FAM171A1: variants seen among roughly 807,000 people sequenced by gnomAD.
FAM171A1 encodes family with sequence similarity 171 member A1.
A neutral mutation model predicts 74.9 loss-of-function variants in FAM171A1; 23 were observed. The observed-to-expected ratio is 0.31, with a 90% CI of 0.22 to 0.44. The LOEUF (loss-of-function observed/expected upper bound fraction) is 0.44, where lower values mean the gene tolerates loss of function less well. Among genes scored for constraint, FAM171A1 ranks in the 20% least tolerant of loss-of-function variants. FAM171A1 has a pLI of 1.00. For missense variants in FAM171A1, 1,162 were observed against 1,159.2 expected, an observed-to-expected ratio of 1.00 and a Z score of -0.03; for synonymous variants, 527 against 505.7, an observed-to-expected ratio of 1.04 and a Z score of -0.57.
At chr10:15,266,260 C>T (rs540464709) in intron 3 of FAM171A1, among the ~76,000 whole-genome samples, 63 of 152,274 alleles carry the variant, frequency 4.1e-4, no homozygotes, top group African/African-American at 1.5e-3. Flanking sequence ...AGAAAGGGGA[C>T]GAGAGCTGCT....
At chr10:15,264,790 T>A (rs1296372098) in intron 3 of FAM171A1, among the ~76,000 whole-genome samples, 1 of 151,950 alleles carries the variant, frequency 6.6e-6, no homozygotes, top group Non-Finnish European at 1.5e-5. Flanking sequence ...TTAAAAAAAA[T>A]AAATAAACTG....
intron 1 of FAM171A1, among the ~76,000 whole-genome samples, chr10:15,333,826 C>T (rs532125243): frequency 1.9e-4 from 28 of 151,292 alleles, no homozygotes; most frequent in Non-Finnish European, 2.9e-4. Flanking sequence ...AGAGTGAGAC[C>T]GTGTCTCAAA....
chr10:15,335,142 G>A (rs1161952292), intron 1 of FAM171A1, among the ~76,000 whole-genome samples: 5 of 152,198 alleles, frequency 3.3e-5, no homozygotes, highest in Non-Finnish European at 5.9e-5. Flanking sequence ...TACTTGGGAG[G>A]CTGAGGCAGG....
In FAM171A1 at chr10:15,214,885, C is replaced by T. The variant is rs138115695; in HGVS notation, c.987-284G>A. On this transcript the variant is annotated intron_variant, in intron 7 of 7. Coordinates refer to ENST00000378116, the MANE Select transcript of FAM171A1 (RefSeq NM_001010924.2). The stretch of plus-strand genomic sequence containing the variant: ...AAGTGATCCTCCCACCTCAGCCTCC[C>T]GAGCAGCTGGCACCGCAGGCACATG... Among the ~76,000 whole-genome samples the T allele has an allele frequency of 4.1e-3, 616 of 152,064 alleles. 6 individuals are homozygous for T. The highest frequency in any genetic ancestry group is 0.014 in the African/African-American group (573 of 41,466).
At position 15,349,441 on chromosome 10, in the gene FAM171A1, A is replaced by G. The variant is rs188111265; in HGVS notation, c.97+21515T>C. ...ATCACTTAAAACAGGCTCTTCCCAC[A>G]ACACTCTGCTCCTTCCCTTTCAATT... On this transcript the variant is annotated intron_variant, in intron 1 of 7. Transcript: ENST00000378116. Among the ~76,000 whole-genome samples the G allele has an allele frequency of 2.6e-5, 4 of 152,312 alleles. No individual in the cohort carries two copies. The East Asian group carries it at 7.7e-4, about 29-fold the overall frequency.
intron 5 of FAM171A1, among the ~76,000 whole-genome samples, chr10:15,240,158 C>T (rs1032188690): frequency 1.3e-5 from 2 of 152,122 alleles, no homozygotes; most frequent in African/African-American, 2.4e-5. Flanking sequence ...GTCGGGAGTT[C>T]GAGACCAGCC....
chr10:15,271,049 A>C (rs1191947207), intron 3 of FAM171A1, among the ~76,000 whole-genome samples: 2 of 152,232 alleles, frequency 1.3e-5, no homozygotes, highest in Non-Finnish European at 2.9e-5. Context: ...GAGCTGACAG[A>C]AGAATGCTTC....
At chr10:15,357,152 G>A (rs12765256) in intron 1 of FAM171A1, among the ~76,000 whole-genome samples, 10,919 of 151,844 alleles carry the variant, frequency 0.072, 501 homozygotes, top group Middle Eastern at 0.11. Context: ...GCATGGTGGC[G>A]GGCGCCTGTA....
intron 1 of FAM171A1, among the ~76,000 whole-genome samples, chr10:15,358,794 T>C (rs1835961223): frequency 6.6e-6 from 1 of 152,150 alleles, no homozygotes; most frequent in African/African-American, 2.4e-5. Flanking sequence ...TTCATGAAAA[T>C]TACCAGGCCC....
At chr10:15,281,275 T>C (rs976746511) in intron 2 of FAM171A1, among the ~76,000 whole-genome samples, 5 of 152,250 alleles carry the variant, frequency 3.3e-5, no homozygotes, top group African/African-American at 1.2e-4. Flanking sequence ...ACACTTCTTT[T>C]CTTTATAAAT....
chr10:15,374,355 C>G (rs935566959), upstream of FAM171A1, among the ~76,000 whole-genome samples: 1 of 152,206 alleles, frequency 6.6e-6, no homozygotes, highest in Non-Finnish European at 1.5e-5. Context: ...TCTCATCACC[C>G]GGGTATTTTC....
intron 1 of FAM171A1, among the ~76,000 whole-genome samples, chr10:15,285,574 T>C (rs12262545): frequency 0.27 from 41,170 of 152,088 alleles, 5,744 homozygotes; most frequent in Middle Eastern, 0.32. Context: ...TCCAGAACTA[T>C]GTGGGGGAGC....
At chr10:15,272,740 A>C (rs1454046125) in intron 3 of FAM171A1, among the ~76,000 whole-genome samples, 1 of 152,188 alleles carries the variant, frequency 6.6e-6, no homozygotes, top group Non-Finnish European at 1.5e-5. Flanking sequence ...TAAGAAACTC[A>C]CTCAAAACTG....
chr10:15,211,760 T>C lies in FAM171A1; in HGVS notation c.*1155A>G, dbSNP rs1215893778. ...TTTTGGATAGTACATAAGATTTTCT[T>C]TTTTTTTTTTAAATTTTTTTTAATA... On this transcript the variant is annotated 3_prime_UTR_variant, in exon 8 of 8. Transcript: ENST00000378116. The C allele has an allele frequency of 1.5e-5, 2 of 135,392 alleles. No homozygotes were observed. Among genetic ancestry groups the C allele is most frequent in the African/African-American group, 6.6e-5 (2 of 30,258 alleles). 8.4% of individuals were successfully genotyped at this position (135,392 alleles called of 1,614,324 possible).
chr10:15,322,707 G>A (rs1403529944), intron 1 of FAM171A1, among the ~76,000 whole-genome samples: 1 of 152,228 alleles, frequency 6.6e-6, no homozygotes, highest in Admixed American at 6.5e-5. Context: ...GGTCATTTTG[G>A]TAAATTCACC....
chr10:15,363,624 A>T (rs1336402644), intron 1 of FAM171A1, among the ~76,000 whole-genome samples: 1 of 152,154 alleles, frequency 6.6e-6, no homozygotes, highest in Non-Finnish European at 1.5e-5. Flanking sequence ...CAGGAGACTG[A>T]TGGCAGGACA....
intron 3 of FAM171A1, 95 bp downstream of exon 3, chr10:15,275,760 T>C (rs1834884900): frequency 2.6e-6 from 2 of 763,746 alleles, no homozygotes; most frequent in Non-Finnish European, 4.1e-6. Flanking sequence ...ATCCACCTTG[T>C]ATACAAACAT....
intron 1 of FAM171A1, 87 bp from the exon 2 acceptor site, chr10:15,284,192 G>T: frequency 8.1e-7 from 1 of 1,238,188 alleles, no homozygotes; most frequent in Non-Finnish European, 1.1e-6. Context: ...GGAAGTGGAA[G>T]GAGGGCTCTG....
intron 1 of FAM171A1, among the ~76,000 whole-genome samples, chr10:15,288,002 G>C (rs1188275376): frequency 6.6e-6 from 1 of 152,186 alleles, no homozygotes; most frequent in Non-Finnish European, 1.5e-5. Flanking sequence ...ACTCAGGAGT[G>C]AGAACAAACG....
Sources: allele counts gnomAD v4.1 joint callset (sites outside exome capture counted in the v4.1 genomes callset), GRCh38; gene constraint gnomAD v4.1.1; transcripts MANE v1.5; gene names NCBI Gene and HGNC (gene_info 2026-07-23, HGNC 2026-07-21).